Variants in DST observed in about 807,000 individuals in gnomAD.
DST encodes the protein bullous pemphigoid antigen.
DST carries 253 observed loss-of-function variants against 875.2 expected under a neutral mutation model. The observed-to-expected ratio is 0.29, with a 90% CI of 0.26 to 0.32. DST has a LOEUF of 0.32. Ranked by LOEUF, DST falls within the 10% of genes least tolerant of loss-of-function variation. DST has a pLI of 1.00. For synonymous variants in DST, 3,124 were observed against 3,197.1 expected (o/e 0.98, Z 0.77); for missense variants, 8,287 against 9,111.6 (o/e 0.91, Z 3.68).
At chr6:56,704,635 A>T (rs185999644) in intron 5 of DST, among the ~76,000 whole-genome samples, 1 of 152,348 alleles carries the variant, frequency 6.6e-6, no homozygotes, top group East Asian at 1.9e-4. Flanking sequence ...GGACTACTAC[A>T]TGGGGTTACA....
At chr6:56,901,207 C>A (rs557134490) in intron 2 of DST, among the ~76,000 whole-genome samples, 13 of 152,334 alleles carry the variant, frequency 8.5e-5, no homozygotes, top group Non-Finnish European at 1.8e-4. Flanking sequence ...TACAGCTACA[C>A]AATGTATTAA....
intron 2 of DST, among the ~76,000 whole-genome samples, chr6:56,921,327 T>C (rs1804114696): frequency 6.6e-6 from 1 of 152,152 alleles, no homozygotes; most frequent in African/African-American, 2.4e-5. Flanking sequence ...CTGTAATCAT[T>C]TGTTAAAAGT....
chr6:56,576,916 C>T (rs1305875765), intron 50 of DST, among the ~76,000 whole-genome samples: 2 of 152,128 alleles, frequency 1.3e-5, no homozygotes, highest in Admixed American at 6.5e-5. Context: ...CCAGCCGATG[C>T]TATTTTTGTC....
At chr6:56,923,725 C>G (rs1353681204) in intron 2 of DST, among the ~76,000 whole-genome samples, 3 of 152,144 alleles carry the variant, frequency 2.0e-5, no homozygotes, top group Admixed American at 6.5e-5. Flanking sequence ...GAAGGTCAGT[C>G]TTTTTGTTTT....
chr6:56,511,143 T>C (rs2096467201), intron 73 of DST, 54 bp downstream of exon 73: 2 of 1,418,134 alleles, frequency 1.4e-6, no homozygotes, highest in Non-Finnish European at 1.9e-6. Flanking sequence ...AAAATGTCTT[T>C]CTGTGCTCTG....
At chr6:56,661,727 CA>C (rs1431518348) in intron 10 of DST, among the ~76,000 whole-genome samples, 4 of 152,094 alleles carry the variant, frequency 2.6e-5, no homozygotes, top group African/African-American at 9.7e-5. Context: ...GCTGGGATTA[CA>C]GGCACCTGCC....
At chr6:56,834,897 A>G (rs1293002992) in intron 4 of DST, among the ~76,000 whole-genome samples, 2 of 152,190 alleles carry the variant, frequency 1.3e-5, no homozygotes, top group Non-Finnish European at 1.5e-5. Context: ...TCTGCACTCA[A>G]CTGTTTAGAG....
chr6:56,698,104 T>G (rs2099273663), intron 9 of DST, among the ~76,000 whole-genome samples: 1 of 152,134 alleles, frequency 6.6e-6, no homozygotes, highest in South Asian at 2.1e-4. Context: ...TGCCCTGTAG[T>G]CTGGCTGACT....
intron 15 of DST, among the ~76,000 whole-genome samples, chr6:56,643,274 A>C (rs535026972): frequency 1.3e-5 from 2 of 152,368 alleles, no homozygotes; most frequent in South Asian, 4.1e-4. Flanking sequence ...GAATAATGTA[A>C]GGAAGGCAAA....
Position 56,536,783 on chromosome 6 carries a change from T to C in DST, c.16766A>G (p.Lys5589Arg). The change falls in exon 62 of 104, where the codon AAG (lysine) becomes AGG (arginine). Residue 5589 changes from lysine (K) to arginine (R), a missense_variant. This residue lies in a region of DST where 777 missense variants were observed against 764.8 expected (regional missense o/e 1.02). Coordinates refer to ENST00000680361, the MANE Select transcript of DST (RefSeq NM_001374736.1). ...DVNARWKTLN[K>R]KVAQRAAQLQ... ...TGAAGGGGGTGAGAAAATTACCTTC[T>C]TATTGAGAGTCTTCCACCGTGCATT... The C allele has an allele frequency of 6.5e-7, 1 of 1,549,618 alleles. No individual in the cohort carries two copies. Among genetic ancestry groups the C allele is most frequent in the African/African-American group, 1.4e-5 (1 of 72,866 alleles).
chr6:56,851,136 CTG>C, intron 4 of DST: 1 of 513,668 alleles, frequency 1.9e-6, no homozygotes, highest in African/African-American at 1.9e-5. Flanking sequence ...GTGCAAATGT[CTG>C]TAAATATTTC....
intron 8 of DST, among the ~76,000 whole-genome samples, 198 bp downstream of exon 8, chr6:56,701,690 T>C (rs58453931): frequency 6.6e-6 from 1 of 152,158 alleles, no homozygotes; most frequent in Non-Finnish European, 1.5e-5. Context: ...ATAATTCCTC[T>C]GGGCTTATCC....
chr6:56,606,623 T>C lies in DST; in HGVS notation c.8005A>G (p.Met2669Val), dbSNP rs752297404. The change falls in exon 40 of 104, where the codon ATG becomes GTG. Residue 2669 changes from methionine to valine, a missense_variant. By Grantham distance (21) the Met-to-Val change is conservative. Coordinates refer to ENST00000680361, the MANE Select transcript of DST (RefSeq NM_001374736.1). Reference protein sequence around the residue: ...YDVSKENENSMVPQGAPVGSL... With the variant: ...YDVSKENENSVVPQGAPVGSL... ...CCAACTGGTGCCCCCTGGGGAACCATGGAATTTTCATTCTCTTTTGAGACA... is the reference window on the plus strand; with the variant it reads ...CCAACTGGTGCCCCCTGGGGAACCACGGAATTTTCATTCTCTTTTGAGACA... 1.7e-5 allele frequency: 27 copies of C among 1,613,448 alleles called. No individual in the cohort carries two copies. In the African/African-American group the frequency reaches 2.7e-4, roughly 16 times the overall value.
intron 36 of DST, chr6:56,619,157 C>T (rs778510315): frequency 1.3e-5 from 21 of 1,614,002 alleles, no homozygotes; most frequent in South Asian, 4.4e-5. Flanking sequence ...ATTTGTGCTG[C>T]GTAGCTGATC....
At chr6:56,947,642 T>TA (rs760478217) in intron 2 of DST, among the ~76,000 whole-genome samples, 12 of 152,356 alleles carry the variant, frequency 7.9e-5, no homozygotes, top group Middle Eastern at 6.8e-3. Flanking sequence ...TCATGTAGTA[T>TA]ACACGAATCA....
chr6:56,535,217 G>T lies in DST; in HGVS notation c.16846C>A (p.Leu5616Ile). ...GRFQDALESL[L>I]SWMVDTEELV... ...TCCTCAGTGTCCACCATCCAGCTGA[G>T]CAGGGACTCCAGGGCATCCTGGAAC... The change falls in exon 63 of 104, where the codon CTC (leucine) becomes ATC (isoleucine). Residue 5616 changes from leucine (L) to isoleucine (I), a missense_variant. This residue lies in a region of DST where 777 missense variants were observed against 764.8 expected (regional missense o/e 1.02). Coordinates refer to ENST00000680361, the MANE Select transcript of DST (RefSeq NM_001374736.1). 6.2e-7 allele frequency: 1 copy of T among 1,613,694 alleles called. No individual in the cohort carries two copies. The highest frequency in any genetic ancestry group is 8.5e-7 in the Non-Finnish European group (1 of 1,179,770).
intron 2 of DST, among the ~76,000 whole-genome samples, chr6:56,917,019 A>C (rs1361003314): frequency 6.3e-5 from 6 of 95,892 alleles, no homozygotes; most frequent in Non-Finnish European, 1.4e-4. Flanking sequence ...AAAAAAAAAG[A>C]CAGGCAGAGG....
intron 4 of DST, among the ~76,000 whole-genome samples, chr6:56,752,092 T>G (rs967730859): frequency 5.3e-5 from 8 of 152,120 alleles, no homozygotes; most frequent in African/African-American, 1.4e-4. Flanking sequence ...TTCTTTTTTT[T>G]TTTTAATGGG....
intron 55 of DST, among the ~76,000 whole-genome samples, chr6:56,566,672 C>CAAAA (rs1454685937): frequency 1.4e-4 from 21 of 152,264 alleles, no homozygotes; most frequent in Non-Finnish European, 2.4e-4. Flanking sequence ...TCTCACTTTA[C>CAAAA]TGTTAAAATT....
Sources: gnomAD v4.1 joint callset for allele counts (sites outside exome capture counted in the v4.1 genomes callset) on GRCh38, gnomAD v4.1.1 for gene constraint, gnomAD v4.1.1 regional missense constraint, MANE v1.5 for transcripts, NCBI Gene and HGNC (gene_info 2026-07-23, HGNC 2026-07-21) for gene names.